Variants in THSD4 observed in about 807,000 individuals in gnomAD.
The protein encoded by THSD4 is thrombospondin type-1 domain-containing protein 4.
Under a neutral mutation model 119.0 loss-of-function variants are expected in THSD4, and 69 were observed. The observed-to-expected ratio is 0.58, with a 90% CI of 0.48 to 0.71. The LOEUF (loss-of-function observed/expected upper bound fraction) is 0.71. Ranked by LOEUF, THSD4 falls within the 30% of genes least tolerant of loss-of-function variation. The pLI, the probability that THSD4 is intolerant of heterozygous loss-of-function variation, is 0.00. For synonymous variants in THSD4, 524 were observed against 540.4 expected, an observed-to-expected ratio of 0.97 and a Z score of 0.42; for missense variants, 1,393 against 1,391.1, an observed-to-expected ratio of 1.00 and a Z score of -0.02.
chr15:71,362,096 G>A (rs774168413), intron 6 of THSD4, among the ~76,000 whole-genome samples: 10 of 152,156 alleles, frequency 6.6e-5, no homozygotes, highest in Non-Finnish European at 1.3e-4. Context: ...GGCCAACATG[G>A]CGAAACCCCA....
At chr15:71,351,226 C>T (rs2045740106) in intron 6 of THSD4, among the ~76,000 whole-genome samples, 1 of 152,126 alleles carries the variant, frequency 6.6e-6, no homozygotes, top group African/African-American at 2.4e-5. Flanking sequence ...TTTTAGAGAT[C>T]ATCTGGTGCA....
At chr15:71,155,264 GAGA>G (rs1490577127) in intron 3 of THSD4, among the ~76,000 whole-genome samples, 1 of 152,156 alleles carries the variant, frequency 6.6e-6, no homozygotes, top group African/African-American at 2.4e-5. Flanking sequence ...CACATGGCTG[GAGA>G]AGAAGCAAGA....
intron 5 of THSD4, among the ~76,000 whole-genome samples, chr15:71,253,879 T>C (rs1477970540): frequency 2.0e-5 from 3 of 152,212 alleles, no homozygotes; most frequent in Admixed American, 2.0e-4. Flanking sequence ...CACATAATCT[T>C]TTTAACACTT....
At chr15:71,602,065 CAG>C (rs1275805855) in intron 7 of THSD4, among the ~76,000 whole-genome samples, 1 of 151,974 alleles carries the variant, frequency 6.6e-6, no homozygotes, top group African/African-American at 2.4e-5. Flanking sequence ...TTTGGAGTGG[CAG>C]AGTTCTAGGA....
intron 6 of THSD4, among the ~76,000 whole-genome samples, chr15:71,349,698 T>C (rs916657816): frequency 1.3e-5 from 2 of 152,196 alleles, no homozygotes; most frequent in African/African-American, 4.8e-5. Flanking sequence ...AAGAACAAGA[T>C]TGCTGAGTTA....
At chr15:71,703,877 T>A (rs1232738408) in intron 8 of THSD4, among the ~76,000 whole-genome samples, 1 of 152,124 alleles carries the variant, frequency 6.6e-6, no homozygotes, top group African/African-American at 2.4e-5. Flanking sequence ...TGAGACAGAG[T>A]CTTGCTCTGT....
At chr15:71,441,197 A>G (rs574512840) in intron 7 of THSD4, among the ~76,000 whole-genome samples, 27 of 152,218 alleles carry the variant, frequency 1.8e-4, no homozygotes, top group African/African-American at 4.8e-4. Flanking sequence ...GGTGATGGGT[A>G]ATGGTGATGG....
At chr15:71,773,195 T>G (rs2053851886) in intron 17 of THSD4, among the ~76,000 whole-genome samples, 2 of 81,708 alleles carry the variant, frequency 2.4e-5, no homozygotes, top group African/African-American at 5.1e-5. Context: ...AGTGAGACCA[T>G]GTCTCAAAAA....
intron 7 of THSD4, among the ~76,000 whole-genome samples, chr15:71,575,837 AAGTT>A (rs5813645): frequency 0.24 from 36,091 of 152,012 alleles, 4,667 homozygotes; most frequent in South Asian, 0.32. Flanking sequence ...GGAATGAAAA[AAGTT>A]AGAAAGTTGT....
chr15:71,712,153 A>T (rs1020010188), intron 8 of THSD4, among the ~76,000 whole-genome samples: 2 of 152,214 alleles, frequency 1.3e-5, no homozygotes, highest in South Asian at 4.1e-4. Context: ...TATAATATAA[A>T]CATCGCTTTT....
intron 8 of THSD4, among the ~76,000 whole-genome samples, chr15:71,689,855 C>A (rs2052009421): frequency 6.6e-6 from 1 of 152,168 alleles, no homozygotes; most frequent in South Asian, 2.1e-4. Context: ...TCTGGAGCAA[C>A]CTGTTTGGGT....
chr15:71,443,932 A>G (rs941673927), intron 7 of THSD4, among the ~76,000 whole-genome samples: 2 of 152,254 alleles, frequency 1.3e-5, no homozygotes, highest in African/African-American at 4.8e-5. Flanking sequence ...AAGTAAAGAC[A>G]GCCACACTGC....
At chr15:71,180,093 GTAAC>G (rs1194549518) in intron 3 of THSD4, among the ~76,000 whole-genome samples, 1 of 134,998 alleles carries the variant, frequency 7.4e-6, no homozygotes, top group Non-Finnish European at 1.6e-5. Context: ...GTATACATAT[GTAAC>G]TAACCTGCAC....
chr15:71,197,054 C>G (rs1405632489), intron 3 of THSD4, among the ~76,000 whole-genome samples: 1 of 152,196 alleles, frequency 6.6e-6, no homozygotes, highest in Non-Finnish European at 1.5e-5. Context: ...AAACAAGTCT[C>G]TCTGCTCTTG....
At chr15:71,575,799 G>A (rs146082144) in intron 7 of THSD4, among the ~76,000 whole-genome samples, 1 of 152,046 alleles carries the variant, frequency 6.6e-6, no homozygotes, top group Admixed American at 6.6e-5. Context: ...TACTTTATAT[G>A]GTGTTGAGTG....
At chr15:71,310,663 C>G (rs1017770317) in intron 6 of THSD4, among the ~76,000 whole-genome samples, 1 of 152,118 alleles carries the variant, frequency 6.6e-6, no homozygotes, top group Non-Finnish European at 1.5e-5. Flanking sequence ...TTATGACTGT[C>G]AAACAAGGTA....
rs757564242 is a variant in THSD4 at position 71,215,413 on chromosome 15, C to G, written c.464+14C>G. The G allele has an allele frequency of 1.3e-6, 2 of 1,510,324 alleles. No individual in the cohort carries two copies. Among genetic ancestry groups the G allele is most frequent in the South Asian group, 2.4e-5 (2 of 82,274 alleles). 93.6% of individuals were successfully genotyped at this position (1,510,324 alleles called of 1,614,324 possible). On this transcript the variant is annotated intron_variant, in intron 4 of 17. Transcript: ENST00000261862. Reference sequence around the variant, plus strand: ...TGGGGACAGAAGGTACACGCCCGCCCTTGTCTGTGCCGCTCCCCGTCCCTG... The same window carrying G: ...TGGGGACAGAAGGTACACGCCCGCCGTTGTCTGTGCCGCTCCCCGTCCCTG...
chr15:71,206,201 G>A (rs1041812559), intron 3 of THSD4, among the ~76,000 whole-genome samples: 4 of 152,120 alleles, frequency 2.6e-5, no homozygotes, highest in Non-Finnish European at 5.9e-5. Context: ...TAGCAGAGAC[G>A]GGGTTTCACC....
intron 7 of THSD4, among the ~76,000 whole-genome samples, chr15:71,600,872 G>T (rs1215157639): frequency 6.6e-6 from 1 of 151,768 alleles, no homozygotes; most frequent in African/African-American, 2.4e-5. Flanking sequence ...TCAGCCTCCT[G>T]AGTAGCTGGG....
Sources: allele counts gnomAD v4.1 joint callset (sites outside exome capture counted in the v4.1 genomes callset), GRCh38; gene constraint gnomAD v4.1.1; transcripts MANE v1.5; gene names NCBI Gene and HGNC (gene_info 2026-07-23, HGNC 2026-07-21).